POFUT3: variants seen among roughly 807,000 people sequenced by gnomAD.
POFUT3 encodes GDP-fucose protein O-fucosyltransferase 3.
the POFUT3 span, among the ~76,000 whole-genome samples, chr8:33,362,753 G>A: frequency 1.3e-5 from 2 of 152,126 alleles, no homozygotes; most frequent in Admixed American, 6.5e-5. Flanking sequence ...CCATACAGGA[G>A]CACCCAGATT....
At chr8:33,342,182 CA>C in the POFUT3 span, among the ~76,000 whole-genome samples, 2,169 of 150,316 alleles carry the variant, frequency 0.014, 46 homozygotes, top group African/African-American at 0.05. Context: ...GACTTTGTCT[CA>C]AAAAAAAATT....
At chr8:33,405,274 C>T in the POFUT3 span, among the ~76,000 whole-genome samples, 1 of 151,588 alleles carries the variant, frequency 6.6e-6, no homozygotes, top group African/African-American at 2.4e-5. Context: ...GCCTGGACAA[C>T]AGAGCAAGAC....
the POFUT3 span, chr8:33,436,767 C>T: frequency 3.8e-5 from 21 of 548,214 alleles, no homozygotes; most frequent in East Asian, 9.9e-5. Context: ...TCTGACAAAA[C>T]GCTAAAATAG....
At chr8:33,431,970 C>T in the POFUT3 span, among the ~76,000 whole-genome samples, 1 of 152,080 alleles carries the variant, frequency 6.6e-6, no homozygotes, top group African/African-American at 2.4e-5. Context: ...TCCTGGGAAG[C>T]TTCATAAAGA....
chr8:33,447,807 T>G, the POFUT3 span, among the ~76,000 whole-genome samples: 5 of 152,218 alleles, frequency 3.3e-5, no homozygotes, highest in Non-Finnish European at 5.9e-5. Context: ...ACTTCCATCA[T>G]TTTTTCAGCA....
At chr8:33,468,388 TG>T in the POFUT3 span, among the ~76,000 whole-genome samples, 6 of 150,992 alleles carry the variant, frequency 4.0e-5, no homozygotes, top group Middle Eastern at 3.4e-3. Context: ...CTCTGGTAAT[TG>T]GGGAGTCAAC....
At chr8:33,469,354 T>C in the POFUT3 span, among the ~76,000 whole-genome samples, 2 of 152,220 alleles carry the variant, frequency 1.3e-5, no homozygotes, top group African/African-American at 4.8e-5. Context: ...TGTTAATGTG[T>C]ACCTCGCTCA....
At chr8:33,319,404 A>T in the POFUT3 span, among the ~76,000 whole-genome samples, 3 of 61,958 alleles carry the variant, frequency 4.8e-5, no homozygotes, top group African/African-American at 2.3e-4. Context: ...TATATATAGT[A>T]TATATTATAT....
chr8:33,345,117 A>G, the POFUT3 span, among the ~76,000 whole-genome samples: 8 of 152,240 alleles, frequency 5.3e-5, no homozygotes, highest in Non-Finnish European at 1.2e-4. Context: ...TGTTTGCATT[A>G]AAAACACATT....
the POFUT3 span, among the ~76,000 whole-genome samples, chr8:33,386,076 C>A: frequency 6.6e-6 from 1 of 150,666 alleles, no homozygotes; most frequent in Non-Finnish European, 1.5e-5. Context: ...GTAATCCCAG[C>A]TGCTCGGGAG....
At chr8:33,368,989 T>C in the POFUT3 span, among the ~76,000 whole-genome samples, 1 of 152,202 alleles carries the variant, frequency 6.6e-6, no homozygotes, top group Non-Finnish European at 1.5e-5. Flanking sequence ...CTTATTCCTA[T>C]CAGCAATGGC....
At chr8:33,343,120 A>G in the POFUT3 span, among the ~76,000 whole-genome samples, 1 of 151,974 alleles carries the variant, frequency 6.6e-6, no homozygotes, top group African/African-American at 2.4e-5. Context: ...AAGAAAAAAA[A>G]AAAAAAGGAA....
chr8:33,375,023 G>C, the POFUT3 span, among the ~76,000 whole-genome samples: 1 of 151,756 alleles, frequency 6.6e-6, no homozygotes, highest in African/African-American at 2.4e-5. Flanking sequence ...TGAGATTACA[G>C]GTGCCTGCCA....
At chr8:33,329,325 G>C in the POFUT3 span, among the ~76,000 whole-genome samples, 1 of 152,228 alleles carries the variant, frequency 6.6e-6, no homozygotes, top group Non-Finnish European at 1.5e-5. Context: ...GACATTTGGA[G>C]AGTCTAAGAG....
At chr8:33,394,545 A>G in the POFUT3 span, among the ~76,000 whole-genome samples, 4 of 152,084 alleles carry the variant, frequency 2.6e-5, no homozygotes, top group Non-Finnish European at 4.4e-5. Flanking sequence ...CTGAACCAAC[A>G]CTGTAAGCCA....
the POFUT3 span, among the ~76,000 whole-genome samples, chr8:33,358,112 G>A: frequency 6.6e-6 from 1 of 152,120 alleles, no homozygotes; most frequent in Non-Finnish European, 1.5e-5. Flanking sequence ...AATTAGCCAG[G>A]TGTTGTGGTG....
At chr8:33,311,132 G>T in the POFUT3 span, among the ~76,000 whole-genome samples, 1 of 152,132 alleles carries the variant, frequency 6.6e-6, no homozygotes, top group African/African-American at 2.4e-5. Flanking sequence ...TATTCTCCTT[G>T]CTTTATTTGC....
the POFUT3 span, among the ~76,000 whole-genome samples, chr8:33,387,928 G>A: frequency 1.2e-4 from 18 of 152,302 alleles, no homozygotes; most frequent in African/African-American, 4.3e-4. Flanking sequence ...AAAATTTCAG[G>A]AGAAGTTGAA....
the POFUT3 span, among the ~76,000 whole-genome samples, chr8:33,328,827 T>C: frequency 5.3e-5 from 8 of 152,126 alleles, no homozygotes; most frequent in Admixed American, 3.3e-4. Flanking sequence ...ACCCAGTGAA[T>C]GGCAGAGCAG....
Sources: gnomAD v4.1 joint callset for allele counts (sites outside exome capture counted in the v4.1 genomes callset) on GRCh38, gnomAD v4.1.1 for gene constraint, MANE v1.5 for transcripts, NCBI Gene and HGNC (gene_info 2026-07-23, HGNC 2026-07-21) for gene names.